The following HDAC8 variants were observed in gnomAD, a reference collection of about 807,000 sequenced individuals.
HDAC8 encodes histone deacetylase-like 1.
HDAC8 carries 1 observed loss-of-function variant against 32.2 expected under a neutral mutation model. The ratio of observed to expected loss-of-function variants is 0.03; its 90% CI spans 0.01 to 0.15. The LOEUF is 0.15. Ranked by LOEUF, HDAC8 falls within the 10% of genes least tolerant of loss-of-function variation. The pLI is 1.00. For synonymous variants in HDAC8, 108 were observed against 113.9 expected, an observed-to-expected ratio of 0.95 and a Z score of 0.33; for missense variants, 117 against 300.0, an observed-to-expected ratio of 0.39 and a Z score of 4.51.
chrX:72,429,679 C>T (rs1483549993), intron 9 of HDAC8, among the ~76,000 whole-genome samples: 2 of 112,349 alleles, frequency 1.8e-5, no homozygotes, highest in African/African-American at 6.5e-5. Context: ...GCACAGCTGC[C>T]TTGTGGGCTG....
intron 9 of HDAC8, among the ~76,000 whole-genome samples, chrX:72,409,227 A>G (rs2046127774): frequency 1.8e-5 from 2 of 110,954 alleles, no homozygotes; most frequent in Admixed American, 9.5e-5. Flanking sequence ...GTCTAATTAG[A>G]CTCCTAACAC....
At chrX:72,445,593 T>A (rs782775546) in intron 9 of HDAC8, among the ~76,000 whole-genome samples, 15 of 112,095 alleles carry the variant, frequency 1.3e-4, no homozygotes, top group Admixed American at 8.5e-4. Flanking sequence ...GAGGAAAACC[T>A]AGGCATTACC....
chrX:72,518,276 C>T (rs963564183), intron 4 of HDAC8, among the ~76,000 whole-genome samples: 2 of 110,974 alleles, frequency 1.8e-5, no homozygotes, highest in Non-Finnish European at 3.8e-5. Flanking sequence ...ATAGTTAATC[C>T]CTGCTGTCAT....
chrX:72,484,455 T>G (rs1300052884), intron 7 of HDAC8, among the ~76,000 whole-genome samples: 1 of 112,365 alleles, frequency 8.9e-6, no homozygotes, highest in Non-Finnish European at 1.9e-5. Flanking sequence ...CTAAGCTGAA[T>G]AGTTGAATAT....
chrX:72,364,260 C>G (rs1454587281), intron 9 of HDAC8, among the ~76,000 whole-genome samples: 1 of 111,338 alleles, frequency 9.0e-6, no homozygotes, highest in Non-Finnish European at 1.9e-5. Flanking sequence ...GTCTCCTTCC[C>G]TGGATCCTCT....
At chrX:72,533,168 G>A (rs1055353311) in intron 4 of HDAC8, among the ~76,000 whole-genome samples, 3 of 111,542 alleles carry the variant, frequency 2.7e-5, no homozygotes, top group Non-Finnish European at 5.7e-5. Context: ...AATTGACCAT[G>A]GATGTGTGGG....
At chrX:72,344,918 A>T (rs1472159097) in intron 10 of HDAC8, among the ~76,000 whole-genome samples, 1 of 111,766 alleles carries the variant, frequency 8.9e-6, no homozygotes, top group Admixed American at 9.5e-5. Flanking sequence ...TAATTTCAGA[A>T]CCTAGAATGA....
intron 4 of HDAC8, among the ~76,000 whole-genome samples, chrX:72,503,337 G>A (rs922723587): frequency 4.4e-5 from 5 of 112,382 alleles, no homozygotes; most frequent in African/African-American, 1.6e-4. Flanking sequence ...GAGAACTCTA[G>A]TTGAGAAGCA....
intron 10 of HDAC8, among the ~76,000 whole-genome samples, chrX:72,331,267 T>C (rs1217674481): frequency 9.0e-6 from 1 of 111,460 alleles, no homozygotes; most frequent in African/African-American, 3.3e-5. Flanking sequence ...AATTTTATTC[T>C]GCAGTAAAAT....
intron 7 of HDAC8, among the ~76,000 whole-genome samples, chrX:72,470,508 C>T (rs2048142019): frequency 1.8e-5 from 2 of 111,839 alleles, no homozygotes; most frequent in Non-Finnish European, 3.8e-5. Flanking sequence ...TCTTTTCTTA[C>T]ATCTTCAGTC....
chrX:72,368,358 C>CT (rs11335533), intron 9 of HDAC8, among the ~76,000 whole-genome samples: 162 of 79,591 alleles, frequency 2.0e-3, no homozygotes, highest in East Asian at 5.4e-3. Context: ...TTCCACAAGG[C>CT]TTTTTTTTTT....
intron 7 of HDAC8, among the ~76,000 whole-genome samples, chrX:72,487,331 A>T (rs1364012124): frequency 8.9e-6 from 1 of 111,966 alleles, no homozygotes; most frequent in African/African-American, 3.2e-5. Context: ...ACAGAAAAAA[A>T]AGAGAAAATA....
At position 72,431,526 on chromosome X, in the gene HDAC8, T is replaced by C. The variant is rs1250013275; in HGVS notation, c.1005+30478A>G. On this transcript the variant is annotated intron_variant, in intron 9 of 10. Coordinates refer to ENST00000373573, the MANE Select transcript of HDAC8 (RefSeq NM_018486.3). ...TGAACATTCTTGTACATCCTTCTTTTTTTTTTCACTTGATTGTGATTTTTT... is the reference window on the plus strand; with the variant it reads ...TGAACATTCTTGTACATCCTTCTTTCTTTTTTCACTTGATTGTGATTTTTT... 3.6e-5 allele frequency among the ~76,000 whole-genome samples: 4 copies of C among 111,563 alleles called. No individual in the cohort carries two copies. The East Asian group carries it at 8.4e-4, about 24-fold the overall frequency.
intron 4 of HDAC8, among the ~76,000 whole-genome samples, chrX:72,560,151 A>G (rs1345719127): frequency 9.0e-6 from 1 of 111,510 alleles, no homozygotes; most frequent in Non-Finnish European, 1.9e-5. Flanking sequence ...AGATAGAGAA[A>G]TCAGATTGTT....
intron 9 of HDAC8, among the ~76,000 whole-genome samples, chrX:72,405,089 C>T (rs782818169): frequency 9.0e-5 from 10 of 110,813 alleles, no homozygotes; most frequent in Admixed American, 3.9e-4. Context: ...GCCTAGTACC[C>T]ATTAGTTATT....
chrX:72,336,295 A>G (rs1874326894), intron 10 of HDAC8, among the ~76,000 whole-genome samples: 1 of 112,084 alleles, frequency 8.9e-6, no homozygotes, highest in South Asian at 3.7e-4. Flanking sequence ...CTTTTCACAT[A>G]TAGTCTCTGA....
chrX:72,493,870 T>G (rs782054880), intron 5 of HDAC8, among the ~76,000 whole-genome samples: 1 of 110,879 alleles, frequency 9.0e-6, no homozygotes, highest in Non-Finnish European at 1.9e-5. Flanking sequence ...CTAATTTTTT[T>G]CGAGATGGGG....
At chrX:72,489,715 C>A (rs1474663844) in intron 6 of HDAC8, among the ~76,000 whole-genome samples, 24 of 110,925 alleles carry the variant, frequency 2.2e-4, no homozygotes, top group Non-Finnish European at 3.6e-4. Context: ...GTCTAAAACA[C>A]CAAAAGCAAT....
At chrX:72,366,109 A>C (rs370120403) in intron 9 of HDAC8, among the ~76,000 whole-genome samples, 3 of 112,294 alleles carry the variant, frequency 2.7e-5, no homozygotes, top group African/African-American at 9.7e-5. Context: ...ATCCAGACGG[A>C]AGACAAAGCA....
Sources: allele counts gnomAD v4.1 joint callset (sites outside exome capture counted in the v4.1 genomes callset), GRCh38; gene constraint gnomAD v4.1.1; transcripts MANE v1.5; gene names NCBI Gene and HGNC (gene_info 2026-07-23, HGNC 2026-07-21).